Variants in TENM3 observed in about 807,000 individuals in gnomAD.
TENM3 encodes the protein teneurin transmembrane protein 3, also known as teneurin-3.
TENM3 carries 63 observed loss-of-function variants against 255.1 expected under a neutral mutation model. That is an observed-to-expected ratio of 0.25 (90% CI 0.20 to 0.30). The LOEUF (loss-of-function observed/expected upper bound fraction) is 0.30. Among genes scored for constraint, TENM3 ranks in the 10% least tolerant of loss-of-function variants. TENM3 has a pLI of 1.00. For missense variants in TENM3, 2,929 were observed against 3,461.1 expected, an observed-to-expected ratio of 0.85 and a Z score of 3.86; for synonymous variants, 1,306 against 1,322.3, an observed-to-expected ratio of 0.99 and a Z score of 0.27.
the TENM3 span, among the ~76,000 whole-genome samples, chr4:182,128,059 T>C: frequency 0.019 from 2,953 of 152,224 alleles, 83 homozygotes; most frequent in African/African-American, 0.067. Context: ...AGTACTACTT[T>C]ATAATATAGT....
chr4:181,818,241 T>G, the TENM3 span, among the ~76,000 whole-genome samples: 2 of 152,328 alleles, frequency 1.3e-5, no homozygotes, highest in African/African-American at 4.8e-5. Context: ...GAAGGTATTT[T>G]GTAGATGTTA....
chr4:182,551,114 C>T (rs1177141101), intron 3 of TENM3, among the ~76,000 whole-genome samples: 1 of 151,214 alleles, frequency 6.6e-6, no homozygotes, highest in African/African-American at 2.4e-5. Context: ...CCTAGCTACT[C>T]AGGAGACTGA....
chr4:182,464,684 C>T (rs1367569910), intron 3 of TENM3, among the ~76,000 whole-genome samples: 1 of 152,052 alleles, frequency 6.6e-6, no homozygotes, highest in East Asian at 1.9e-4. Flanking sequence ...TATGAAGTTA[C>T]AAAATAAAAA....
chr4:182,530,725 G>A (rs1364985165), intron 3 of TENM3, among the ~76,000 whole-genome samples: 4 of 152,200 alleles, frequency 2.6e-5, no homozygotes, highest in Admixed American at 1.3e-4. Flanking sequence ...TAGTTGCAGA[G>A]AAATGGATCT....
At chr4:182,105,574 G>A in the TENM3 span, among the ~76,000 whole-genome samples, 5 of 152,172 alleles carry the variant, frequency 3.3e-5, no homozygotes, top group African/African-American at 1.2e-4. Context: ...GAAGATGTAC[G>A]TAGGGCCGAG....
intron 1 of TENM3, among the ~76,000 whole-genome samples, chr4:182,310,603 C>T (rs953353917): frequency 8.5e-5 from 13 of 152,118 alleles, no homozygotes; most frequent in African/African-American, 3.1e-4. Context: ...TTTGTTCAGG[C>T]TGTTCCTGGA....
At chr4:182,175,314 A>AATATATATAT (rs35451760) in intron 1 of TENM3, among the ~76,000 whole-genome samples, 11 of 117,590 alleles carry the variant, frequency 9.4e-5, no homozygotes, top group African/African-American at 3.0e-4. Flanking sequence ...AAAAAAAAAA[A>AATATATATAT]ATATATATAT....
At chr4:181,741,227 A>G in the TENM3 span, among the ~76,000 whole-genome samples, 23 of 152,208 alleles carry the variant, frequency 1.5e-4, no homozygotes, top group African/African-American at 5.5e-4. Context: ...TTGAGAATGA[A>G]ATATATACCT....
At chr4:181,503,190 C>T in the TENM3 span, among the ~76,000 whole-genome samples, 2 of 151,962 alleles carry the variant, frequency 1.3e-5, no homozygotes, top group Non-Finnish European at 2.9e-5. Flanking sequence ...CATAGCAAGA[C>T]CCCCATCTCT....
At chr4:182,184,592 C>T (rs1175883119) in intron 1 of TENM3, among the ~76,000 whole-genome samples, 3 of 149,954 alleles carry the variant, frequency 2.0e-5, no homozygotes, top group African/African-American at 7.4e-5. Context: ...AAAATTTAGC[C>T]AAACCTTTTC....
chr4:182,722,321 CAT>C (rs1759801239), intron 13 of TENM3, among the ~76,000 whole-genome samples: 1 of 151,914 alleles, frequency 6.6e-6, no homozygotes, highest in Admixed American at 6.6e-5. Context: ...GGGCATCTCT[CAT>C]GTGCTTCTAA....
At chr4:182,131,680 T>C in the TENM3 span, among the ~76,000 whole-genome samples, 7 of 152,168 alleles carry the variant, frequency 4.6e-5, no homozygotes, top group African/African-American at 1.7e-4. Context: ...AAGAATGAAA[T>C]GTAACAGAAT....
At chr4:181,721,017 T>A in the TENM3 span, among the ~76,000 whole-genome samples, 1 of 151,566 alleles carries the variant, frequency 6.6e-6, no homozygotes, top group Non-Finnish European at 1.5e-5. Flanking sequence ...CTGATCCAGA[T>A]GAGCATGAAG....
the TENM3 span, among the ~76,000 whole-genome samples, chr4:181,893,044 C>A: frequency 6.6e-6 from 1 of 151,550 alleles, no homozygotes; most frequent in Non-Finnish European, 1.5e-5. Context: ...GGAACTAGGT[C>A]TTTAATGGCA....
chr4:182,466,584 G>T (rs1303024347), intron 3 of TENM3, among the ~76,000 whole-genome samples: 1 of 151,948 alleles, frequency 6.6e-6, no homozygotes, highest in East Asian at 1.9e-4. Flanking sequence ...CTCCTGCCTT[G>T]GCCTCCCAAA....
the TENM3 span, among the ~76,000 whole-genome samples, chr4:181,687,284 A>G: frequency 2.6e-4 from 40 of 152,282 alleles, no homozygotes; most frequent in African/African-American, 8.9e-4. Context: ...TCATTTCTGC[A>G]TTGTAATGAA....
intron 1 of TENM3, among the ~76,000 whole-genome samples, chr4:182,274,276 G>T (rs1252961908): frequency 6.6e-6 from 1 of 152,180 alleles, no homozygotes; most frequent in Admixed American, 6.5e-5. Flanking sequence ...TTTATTTAGT[G>T]TCATAAAGAA....
chr4:182,320,834 T>C (rs2150481400), intron 1 of TENM3, among the ~76,000 whole-genome samples: 1 of 152,286 alleles, frequency 6.6e-6, no homozygotes, highest in African/African-American at 2.4e-5. Context: ...TGGATCCGAT[T>C]TGGCTGGCAG....
the TENM3 span, among the ~76,000 whole-genome samples, chr4:181,630,251 G>T: frequency 6.6e-6 from 1 of 152,072 alleles, no homozygotes; most frequent in Non-Finnish European, 1.5e-5. Context: ...AATCTTGCTA[G>T]TGGTCTATCA....
Sources: gnomAD v4.1 joint callset for allele counts (sites outside exome capture counted in the v4.1 genomes callset) on GRCh38, gnomAD v4.1.1 for gene constraint, MANE v1.5 for transcripts, NCBI Gene and HGNC (gene_info 2026-07-23, HGNC 2026-07-21) for gene names.